Variants in POFUT1 observed in about 807,000 individuals in gnomAD.
POFUT1 encodes the protein GDP-fucose protein O-fucosyltransferase 1.
In POFUT1, 16 loss-of-function variants were observed where a neutral mutation model predicts 42.4. The ratio of observed to expected loss-of-function variants is 0.38; its 90% CI spans 0.26 to 0.57. The LOEUF is 0.57. Among genes scored for constraint, POFUT1 ranks in the 20% least tolerant of loss-of-function variants. The pLI, the probability that POFUT1 is intolerant of heterozygous loss-of-function variation, is 0.71. For synonymous variants in POFUT1, 206 were observed against 205.4 expected, an observed-to-expected ratio of 1.00 and a Z score of -0.03; for missense variants, 470 against 504.6, an observed-to-expected ratio of 0.93 and a Z score of 0.66.
At chr20:32,221,644 A>G (rs189424410) in intron 4 of POFUT1, among the ~76,000 whole-genome samples, 1 of 151,974 alleles carries the variant, frequency 6.6e-6, no homozygotes, top group Admixed American at 6.6e-5. Context: ...AGCCTGAGGA[A>G]GTCATGGCTG....
chr20:32,229,761 C>A (rs1396774718), intron 5 of POFUT1, among the ~76,000 whole-genome samples: 1 of 151,986 alleles, frequency 6.6e-6, no homozygotes, highest in Non-Finnish European at 1.5e-5. Flanking sequence ...CCACTGTTAA[C>A]TCCTCCTCCT....
chr20:32,225,178 T>C lies in POFUT1; in HGVS notation c.543-3085T>C, dbSNP rs1321419863. 3.3e-5 allele frequency among the ~76,000 whole-genome samples: 5 copies of C among 152,268 alleles called. No individual in the cohort carries two copies. In the East Asian group the frequency reaches 9.6e-4, roughly 29 times the overall value. ...TATATCGTAAATATATACAACCTTT[T>C]TTTATTTTTTATTTTTATTATTATT... On this transcript the variant is annotated intron_variant, in intron 4 of 6. Coordinates refer to ENST00000375749, the MANE Select transcript of POFUT1 (RefSeq NM_015352.2).
At position 32,237,772 on chromosome 20, in the gene POFUT1, G is replaced by A. The variant is rs751305441; in HGVS notation, c.*3111G>A. 6 of 534,568 alleles carry A rather than the reference G, an allele frequency of 1.1e-5. No homozygotes were observed. The East Asian group carries it at 3.3e-4, about 29-fold the overall frequency. 33.1% of individuals were successfully genotyped at this position (534,568 alleles called of 1,614,324 possible). A position where few individuals can be genotyped will look rare whatever the true frequency, so the allele number is the denominator to read the frequency against. On this transcript the variant is annotated 3_prime_UTR_variant, in exon 7 of 7. Transcript: ENST00000375749. Reference sequence around the variant, plus strand: ...GGTGAAAGCAGAGAGACCAGTGCAGGGCTGTTAACAGGGTTGCAGGCGAGA... The same window carrying A: ...GGTGAAAGCAGAGAGACCAGTGCAGAGCTGTTAACAGGGTTGCAGGCGAGA...
rs971244053 is a variant in POFUT1 at position 32,231,026 on chromosome 20, T to A, written c.943T>A (p.Tyr315Asn). ...CTACGTTGCTACTGATTCCGAGAGTTATGTGCCTGAGCTCCAACAGCTCTT... is the reference window on the plus strand; with the variant it reads ...CTACGTTGCTACTGATTCCGAGAGTAATGTGCCTGAGCTCCAACAGCTCTT... ...SVYVATDSES[Y>N]VPELQQLFKG... The change falls in exon 6 of 7, where the codon TAT (tyrosine) becomes AAT (asparagine). Residue 315 changes from tyrosine (Y) to asparagine (N), a missense_variant. Physicochemically the swap from Tyr to Asn is moderately radical, Grantham distance 143. Coordinates refer to ENST00000375749, the MANE Select transcript of POFUT1 (RefSeq NM_015352.2). 2.5e-6 allele frequency: 4 copies of A among 1,614,156 alleles called. No homozygotes were observed. In the East Asian group the frequency reaches 8.9e-5, roughly 36 times the overall value.
At chr20:32,231,236 T>C in intron 6 of POFUT1, 175 bp downstream of exon 6, 1 of 655,800 alleles carries the variant, frequency 1.5e-6, no homozygotes, top group South Asian at 1.9e-5. Context: ...TCCTCCGTAG[T>C]CTTTCCAGGT....
intron 4 of POFUT1, among the ~76,000 whole-genome samples, chr20:32,221,737 C>T (rs962501062): frequency 2.0e-5 from 3 of 151,514 alleles, no homozygotes; most frequent in African/African-American, 7.3e-5. Flanking sequence ...GCCTCTAGGG[C>T]CTTTATGGGG....
chr20:32,216,882 C>T, intron 4 of POFUT1, 161 bp downstream of exon 4: 2 of 1,519,582 alleles, frequency 1.3e-6, no homozygotes, highest in Non-Finnish European at 1.8e-6. Context: ...TGATCTGTTC[C>T]CATGTCCACG....
chr20:32,208,030 AC>A lies in POFUT1; in HGVS notation c.92del (p.Pro31ArgfsTer31). The stretch of plus-strand genomic sequence containing the variant: ...CCGGGGATGCCTGCGGGCTCCTGGG[AC>A]CCGGCCGGTTACCTGCTCTACTGCC... Reference protein sequence around the residue: ...PLPGMPAGSWDPAGYLLYCPC... With the variant: ...PLPGMPAGSWXPAGYLLYCPC... On this transcript the variant is annotated frameshift_variant, in exon 1 of 7. Coordinates refer to ENST00000375749, the MANE Select transcript of POFUT1 (RefSeq NM_015352.2). LOFTEE classifies it high-confidence loss of function. 6.4e-7 allele frequency: 1 copy of A among 1,572,990 alleles called. No homozygotes were observed.
Position 32,208,073 on chromosome 20 carries a change from C to G in POFUT1, c.124+8C>G. 1 of 1,544,670 alleles carries G rather than the reference C, an allele frequency of 6.5e-7. No individual in the cohort carries two copies. The highest frequency in any genetic ancestry group is 8.7e-7 in the Non-Finnish European group (1 of 1,149,216). ...TCTACTGCCCCTGCATGGGTAAGGC[C>G]TCCCAAGCCCTCTGCTCAGATGGAG... On this transcript the variant is annotated splice_region_variant and intron_variant, in intron 1 of 6. Transcript: ENST00000375749.
intron 5 of POFUT1, among the ~76,000 whole-genome samples, chr20:32,229,694 G>A (rs1235690732): frequency 6.6e-6 from 1 of 152,170 alleles, no homozygotes; most frequent in Admixed American, 6.5e-5. Context: ...ACCAAGAAAA[G>A]TAATTTTTGT....
intron 4 of POFUT1, among the ~76,000 whole-genome samples, chr20:32,225,326 T>C (rs141396654): frequency 0.014 from 2,202 of 151,986 alleles, 45 homozygotes; most frequent in African/African-American, 0.049. Flanking sequence ...TAGCTGGGAT[T>C]ACAGGTGCCC....
At chr20:32,216,769 C>G in intron 4 of POFUT1, 48 bp downstream of exon 4, 1 of 1,413,528 alleles carries the variant, frequency 7.1e-7, no homozygotes, top group Non-Finnish European at 1.0e-6. Flanking sequence ...GCGCATGGAG[C>G]TCATGAGCAT....
At chr20:32,228,240 C>T (rs1407266148) in intron 4 of POFUT1, 23 bp from the exon 5 acceptor site, 4 of 1,602,944 alleles carry the variant, frequency 2.5e-6, no homozygotes, top group Admixed American at 1.7e-5. Flanking sequence ...CCTCTGACTT[C>T]CCTCATTCCA....
chr20:32,218,834 T>C (rs1218301068), intron 4 of POFUT1, among the ~76,000 whole-genome samples: 2 of 152,190 alleles, frequency 1.3e-5, no homozygotes, highest in Non-Finnish European at 2.9e-5. Context: ...GAAAGGACAA[T>C]GGTGCATGGG....
chr20:32,217,393 G>A, intron 4 of POFUT1: 1 of 1,068,332 alleles, frequency 9.4e-7, no homozygotes. Flanking sequence ...ACATTGGTTA[G>A]GAGGTGCAGG....
At chr20:32,229,187 A>G (rs1453654878) in intron 5 of POFUT1, among the ~76,000 whole-genome samples, 1 of 152,214 alleles carries the variant, frequency 6.6e-6, no homozygotes, top group Non-Finnish European at 1.5e-5. Flanking sequence ...CTTTCCTACA[A>G]CATCAAGAGA....
chr20:32,212,050 G>A (rs191209858), intron 2 of POFUT1, among the ~76,000 whole-genome samples: 1 of 152,274 alleles, frequency 6.6e-6, no homozygotes, highest in East Asian at 1.9e-4. Flanking sequence ...CCTGGAGATG[G>A]TTATATTCCT....
rs570784433 is a variant in POFUT1, at chr20:32,231,316, G to C, written c.978+255G>C. 2.0e-3 allele frequency: 936 copies of C among 477,734 alleles called. 4 individuals are homozygous for C. Among genetic ancestry groups the C allele is most frequent in the South Asian group, 5.2e-3 (250 of 48,004 alleles). The allele number at this position is 477,734 out of a possible 1,614,324, so 29.6% of individuals were successfully genotyped here. On this transcript the variant is annotated intron_variant, in intron 6 of 6. Coordinates refer to ENST00000375749, the MANE Select transcript of POFUT1 (RefSeq NM_015352.2). ...TGGCCCTATATCATTTCTTCTCTCG[G>C]GCACTTTCTGGACTGTATGAGACTG...
rs1488066171 is a variant in POFUT1, at chr20:32,234,990, G to C, written c.*329G>C. The C allele has an allele frequency of 4.5e-6, 1 of 221,426 alleles. No homozygotes were observed. The highest frequency in any genetic ancestry group is 2.3e-5 in the African/African-American group (1 of 43,948). The allele number at this position is 221,426 out of a possible 1,614,324, so 13.7% of individuals were successfully genotyped here. ...CCTGGGATGCTGAACTCTTCAGAGA[G>C]ATTTTTTTATAGAGAGATTTCTATA... On this transcript the variant is annotated 3_prime_UTR_variant, in exon 7 of 7. Transcript: ENST00000375749.
Sources: allele counts gnomAD v4.1 joint callset (sites outside exome capture counted in the v4.1 genomes callset), GRCh38; gene constraint gnomAD v4.1.1; transcripts MANE v1.5; gene names NCBI Gene and HGNC (gene_info 2026-07-23, HGNC 2026-07-21).